The following TEX14 variants were observed in gnomAD, a reference collection of about 807,000 sequenced individuals.
The protein encoded by TEX14 is inactive serine/threonine-protein kinase TEX14.
Under a neutral mutation model 178.6 loss-of-function variants are expected in TEX14, and 168 were observed. The ratio of observed to expected loss-of-function variants is 0.94; its 90% CI spans 0.83 to 1.07. The LOEUF (loss-of-function observed/expected upper bound fraction) is 1.07. Among genes scored for constraint, TEX14 ranks in the 50% least tolerant of loss-of-function variants. The pLI, the probability that TEX14 is intolerant of heterozygous loss-of-function variation, is 0.00. For synonymous variants in TEX14, 626 were observed against 634.1 expected (o/e 0.99, Z 0.19); for missense variants, 1,730 against 1,753.6 (o/e 0.99, Z 0.24).
intron 8 of TEX14, 115 bp from the exon 9 acceptor site, chr17:58,613,659 TTTTC>T (rs1235575026): frequency 1.8e-5 from 21 of 1,141,018 alleles, no homozygotes; most frequent in Non-Finnish European, 2.6e-5. Context: ...CGATGTTTTC[TTTTC>T]TTTTCTTTTT....
Position 58,585,865 on chromosome 17 carries a change from C to T in TEX14, c.3006G>A (p.Lys1002=), listed in dbSNP as rs761703458. The T allele has an allele frequency of 3.1e-6, 5 of 1,613,962 alleles. No individual in the cohort carries two copies. The highest frequency in any genetic ancestry group is 4.2e-6 in the Non-Finnish European group (5 of 1,180,014). The change falls in exon 18 of 32, where the codon AAG becomes AAA. Residue 1002 remains lysine (K), a synonymous_variant. Transcript: ENST00000349033. ...DEPRGNGKFD[K]TGNNDCDSDQ... ...CACTGTCACAGTCATTGTTGCCCGT[C>T]TTGTCAAACTTGCCATTTCCTCTGG...
chr17:58,686,860 CCTTT>C (rs2047605002), intron 1 of TEX14, among the ~76,000 whole-genome samples: 1 of 136,778 alleles, frequency 7.3e-6, no homozygotes, highest in Admixed American at 7.8e-5. Context: ...TGAAAGGTCA[CCTTT>C]TTTTTTTTTT....
intron 15 of TEX14, among the ~76,000 whole-genome samples, chr17:58,592,549 T>C (rs1259193917): frequency 2.0e-5 from 3 of 151,526 alleles, no homozygotes; most frequent in Non-Finnish European, 4.4e-5. Flanking sequence ...TTAGCCAGGA[T>C]GGTCTCGATC....
At chr17:58,663,812 C>T (rs2047160882) in intron 1 of TEX14, among the ~76,000 whole-genome samples, 1 of 152,158 alleles carries the variant, frequency 6.6e-6, no homozygotes, top group Non-Finnish European at 1.5e-5. Flanking sequence ...GAGCCAAATC[C>T]ATTCACTCCT....
At chr17:58,666,552 ACGCAATCTCC>A (rs1026625368) in intron 1 of TEX14, 14 of 150,960 alleles carry the variant, frequency 9.3e-5, no homozygotes, top group Non-Finnish European at 1.3e-4. Context: ...GCAAGTGCGA[ACGCAATCTCC>A]CGCTACCACA....
At chr17:58,616,030 C>G in intron 7 of TEX14, 145 bp downstream of exon 7, 1 of 913,050 alleles carries the variant, frequency 1.1e-6, no homozygotes. Flanking sequence ...GTAATAGTGT[C>G]CTGGCTGAGA....
intron 21 of TEX14, among the ~76,000 whole-genome samples, chr17:58,575,368 G>A (rs1039064549): frequency 1.3e-5 from 2 of 151,942 alleles, no homozygotes; most frequent in Non-Finnish European, 2.9e-5. Flanking sequence ...TGCCTGCCTC[G>A]GCCTCCCAAA....
chr17:58,655,380 C>T (rs574197963), intron 1 of TEX14, among the ~76,000 whole-genome samples: 4 of 152,106 alleles, frequency 2.6e-5, no homozygotes, highest in East Asian at 1.9e-4. Context: ...GATGGGTTCT[C>T]ACCATGTTGG....
intron 16 of TEX14, 103 bp downstream of exon 16, chr17:58,587,793 G>C (rs2045014859): frequency 8.3e-7 from 1 of 1,201,040 alleles, no homozygotes; most frequent in Admixed American, 1.7e-5. Flanking sequence ...TACTCCCTAA[G>C]CCATTCCTAG....
intron 20 of TEX14, 48 bp downstream of exon 20, chr17:58,579,617 A>T: frequency 6.6e-7 from 1 of 1,506,020 alleles, no homozygotes; most frequent in Non-Finnish European, 9.2e-7. Flanking sequence ...CAACAGAAGA[A>T]ATTTAAGGGA....
chr17:58,673,170 C>A (rs1046203222), intron 1 of TEX14, among the ~76,000 whole-genome samples: 1 of 151,864 alleles, frequency 6.6e-6, no homozygotes, highest in Non-Finnish European at 1.5e-5. Flanking sequence ...TCATGCCAAG[C>A]CTTTACATAT....
intron 2 of TEX14, among the ~76,000 whole-genome samples, chr17:58,637,798 T>C (rs1044550361): frequency 6.6e-6 from 1 of 152,128 alleles, no homozygotes; most frequent in Non-Finnish European, 1.5e-5. Flanking sequence ...GGGGAGTGGG[T>C]TGTGGGAACA....
intron 2 of TEX14, among the ~76,000 whole-genome samples, chr17:58,650,460 T>C (rs1260869462): frequency 6.6e-6 from 1 of 152,100 alleles, no homozygotes; most frequent in Non-Finnish European, 1.5e-5. Flanking sequence ...TTCACATAAA[T>C]GATTGAGCTC....
chr17:58,558,293 G>A (rs1489301863), intron 30 of TEX14, among the ~76,000 whole-genome samples: 1 of 152,188 alleles, frequency 6.6e-6, no homozygotes, highest in Non-Finnish European at 1.5e-5. Context: ...TAGCAGCAGT[G>A]GGAAGCCTAA....
intron 8 of TEX14, among the ~76,000 whole-genome samples, chr17:58,614,944 C>T (rs1019145318): frequency 6.6e-6 from 1 of 152,210 alleles, no homozygotes; most frequent in Non-Finnish European, 1.5e-5. Flanking sequence ...GCATGAGAAT[C>T]AGAAGGGCCT....
chr17:58,659,247 T>TC (rs2047051096), intron 1 of TEX14: 2 of 605,710 alleles, frequency 3.3e-6, no homozygotes, highest in South Asian at 7.4e-5. Flanking sequence ...GTAAAAACCC[T>TC]CCCCCAAGAA....
intron 15 of TEX14, among the ~76,000 whole-genome samples, chr17:58,589,485 C>A (rs974595066): frequency 5.4e-5 from 8 of 148,876 alleles, no homozygotes; most frequent in Non-Finnish European, 1.2e-4. Context: ...TCTCTTGAAC[C>A]CGGGAGGCAG....
intron 3 of TEX14, among the ~76,000 whole-genome samples, chr17:58,625,000 A>G (rs1357756167): frequency 6.6e-6 from 1 of 152,196 alleles, no homozygotes. Context: ...ATTGGTTCTC[A>G]CTGTAGGCTC....
intron 10 of TEX14, among the ~76,000 whole-genome samples, chr17:58,609,480 TG>T (rs989773193): frequency 8.5e-5 from 13 of 152,172 alleles, no homozygotes; most frequent in Non-Finnish European, 7.3e-5. Context: ...CAACCTCAGG[TG>T]ATCCGCATGC....
Sources: gnomAD v4.1 joint callset for allele counts (sites outside exome capture counted in the v4.1 genomes callset) on GRCh38, gnomAD v4.1.1 for gene constraint, MANE v1.5 for transcripts, NCBI Gene and HGNC (gene_info 2026-07-23, HGNC 2026-07-21) for gene names.